The following DOCK3 variants were observed in gnomAD, a reference collection of about 807,000 sequenced individuals.
DOCK3 encodes the protein dedicator of cytokinesis protein 3.
Under a neutral mutation model 265.6 loss-of-function variants are expected in DOCK3, and 60 were observed. The ratio of observed to expected loss-of-function variants is 0.23; its 90% CI spans 0.18 to 0.28. The LOEUF (loss-of-function observed/expected upper bound fraction) is 0.28. Ranked by LOEUF, DOCK3 falls within the 10% of genes least tolerant of loss-of-function variation. The pLI, the probability that DOCK3 is intolerant of heterozygous loss-of-function variation, is 1.00. For synonymous variants in DOCK3, 881 were observed against 938.0 expected (o/e 0.94, Z 1.11); for missense variants, 1,981 against 2,594.3 (o/e 0.76, Z 5.14).
chr3:51,023,881 A>G (rs535268324), intron 5 of DOCK3, among the ~76,000 whole-genome samples: 1 of 152,136 alleles, frequency 6.6e-6, no homozygotes, highest in Non-Finnish European at 1.5e-5. Flanking sequence ...CAAATATTTT[A>G]TCTTCATTTG....
intron 5 of DOCK3, among the ~76,000 whole-genome samples, chr3:51,011,603 T>G (rs1419256440): frequency 6.6e-6 from 1 of 152,194 alleles, no homozygotes; most frequent in Non-Finnish European, 1.5e-5. Context: ...TTTGATTGTC[T>G]GAAGCCTTCT....
At chr3:50,956,560 C>T (rs1166010716) in intron 5 of DOCK3, among the ~76,000 whole-genome samples, 1 of 152,086 alleles carries the variant, frequency 6.6e-6, no homozygotes, top group Non-Finnish European at 1.5e-5. Flanking sequence ...TCCATTATTC[C>T]ATTTTATGTT....
chr3:50,937,055 T>A (rs1386770903), intron 5 of DOCK3, among the ~76,000 whole-genome samples: 13 of 151,758 alleles, frequency 8.6e-5, no homozygotes, highest in Admixed American at 8.5e-4. Flanking sequence ...GGTGGGTAGA[T>A]CACCTGAGGT....
At chr3:50,746,316 A>G (rs1314189960) in intron 1 of DOCK3, among the ~76,000 whole-genome samples, 2 of 152,104 alleles carry the variant, frequency 1.3e-5, no homozygotes, top group Non-Finnish European at 2.9e-5. Context: ...CATGTTGACC[A>G]GGCTGGTCTC....
At chr3:50,840,918 C>T (rs1391205279) in intron 2 of DOCK3, among the ~76,000 whole-genome samples, 4 of 151,922 alleles carry the variant, frequency 2.6e-5, no homozygotes, top group Admixed American at 6.6e-5. Context: ...AAAGTTAATA[C>T]GTAGGACAAA....
chr3:51,166,051 C>CT (rs754621873), intron 12 of DOCK3, among the ~76,000 whole-genome samples: 3,984 of 133,134 alleles, frequency 0.03, 175 homozygotes, highest in African/African-American at 0.096. Flanking sequence ...TATATATATT[C>CT]TTTTTTTTTT....
intron 2 of DOCK3, among the ~76,000 whole-genome samples, chr3:50,827,180 G>A (rs1258620059): frequency 6.6e-6 from 1 of 152,174 alleles, no homozygotes. Context: ...GAGACTAGAA[G>A]AGTAGAGGAG....
At chr3:51,354,778 G>A in intron 40 of DOCK3, 104 bp from the exon 41 acceptor site, 1 of 1,503,852 alleles carries the variant, frequency 6.6e-7, no homozygotes. Context: ...ATACAGAGAA[G>A]GCTCCTAAGA....
intron 5 of DOCK3, among the ~76,000 whole-genome samples, chr3:51,021,891 G>A (rs2079610123): frequency 6.6e-6 from 1 of 151,964 alleles, no homozygotes; most frequent in South Asian, 2.1e-4. Flanking sequence ...TCGAACTCCT[G>A]ACCTTGTGAT....
intron 1 of DOCK3, among the ~76,000 whole-genome samples, chr3:50,726,242 C>G (rs979211698): frequency 6.6e-6 from 1 of 152,024 alleles, no homozygotes; most frequent in African/African-American, 2.4e-5. Flanking sequence ...TCCATGGATA[C>G]AGAACTCTGT....
At chr3:50,777,012 G>A (rs1006231291) in intron 1 of DOCK3, among the ~76,000 whole-genome samples, 3 of 152,128 alleles carry the variant, frequency 2.0e-5, no homozygotes, top group African/African-American at 2.4e-5. Context: ...TGAGCCAAGC[G>A]AAACAGGTTT....
chr3:51,036,823 C>G (rs1330964293), intron 5 of DOCK3, among the ~76,000 whole-genome samples: 2 of 152,024 alleles, frequency 1.3e-5, no homozygotes, highest in African/African-American at 2.4e-5. Flanking sequence ...TGGGTCTTTC[C>G]CATGCTGTTC....
At chr3:51,350,536 T>G in intron 40 of DOCK3, 144 bp downstream of exon 40, 1 of 886,184 alleles carries the variant, frequency 1.1e-6, no homozygotes, top group Non-Finnish European at 1.7e-6. Flanking sequence ...GCATTTGGTT[T>G]TATTTGACTG....
intron 1 of DOCK3, among the ~76,000 whole-genome samples, chr3:50,691,949 TCTGTC>T (rs955057080): frequency 6.6e-6 from 1 of 150,706 alleles, no homozygotes; most frequent in Admixed American, 6.6e-5. Flanking sequence ...AGAGTCTTGC[TCTGTC>T]GCCAGGCTGG....
At chr3:51,332,166 C>A (rs554771883) in intron 33 of DOCK3, among the ~76,000 whole-genome samples, 1 of 152,186 alleles carries the variant, frequency 6.6e-6, no homozygotes, top group Non-Finnish European at 1.5e-5. Flanking sequence ...CCCCAGGTGA[C>A]TCTCATGACC....
chr3:50,813,265 G>A (rs1254079715), intron 2 of DOCK3, among the ~76,000 whole-genome samples: 1 of 152,182 alleles, frequency 6.6e-6, no homozygotes, highest in African/African-American at 2.4e-5. Flanking sequence ...TAAGTGTTGT[G>A]GCTCACACCT....
At chr3:50,692,143 C>A (rs2035293667) in intron 1 of DOCK3, among the ~76,000 whole-genome samples, 1 of 152,262 alleles carries the variant, frequency 6.6e-6, no homozygotes, top group Non-Finnish European at 1.5e-5. Flanking sequence ...TTTTGAACTT[C>A]TATCTTCTAG....
chr3:51,325,923 G>C (rs1330993302), intron 32 of DOCK3, among the ~76,000 whole-genome samples: 1 of 152,132 alleles, frequency 6.6e-6, no homozygotes, highest in Non-Finnish European at 1.5e-5. Context: ...GGGATGGGGG[G>C]CTAGGGGAGG....
At chr3:50,915,512 G>A (rs2050072399) in intron 4 of DOCK3, among the ~76,000 whole-genome samples, 1 of 152,058 alleles carries the variant, frequency 6.6e-6, no homozygotes, top group South Asian at 2.1e-4. Context: ...GGCCTGTAGG[G>A]CAAGGTGTCC....
Sources: gnomAD v4.1 joint callset for allele counts (sites outside exome capture counted in the v4.1 genomes callset) on GRCh38, gnomAD v4.1.1 for gene constraint, MANE v1.5 for transcripts, NCBI Gene and HGNC (gene_info 2026-07-23, HGNC 2026-07-21) for gene names.